Variants in ERCC8 observed in about 807,000 individuals in gnomAD.
The protein encoded by ERCC8 is ERCC excision repair 8, CSA ubiquitin ligase complex subunit.
A neutral mutation model predicts 54.9 loss-of-function variants in ERCC8; 52 were observed. That is an observed-to-expected ratio of 0.95 (90% CI 0.76 to 1.19). ERCC8 has a LOEUF of 1.19. Ranked by LOEUF, ERCC8 falls within the 50% of genes most tolerant of loss-of-function variation. The pLI is 0.00. For synonymous variants in ERCC8, 146 were observed against 157.2 expected (o/e 0.93, Z 0.53); for missense variants, 514 against 466.1 (o/e 1.10, Z -0.95).
At position 60,867,438 on chromosome 5, in the gene ERCC8, A is replaced by C. The variant is rs940035022; in HGVS notation, c.*7177T>G. Reference sequence around the variant, plus strand: ...CCTGGCCTTATTTCTTTATAAAGCCATTACAATGAAAAAAATAATCTTACC... The same window carrying C: ...CCTGGCCTTATTTCTTTATAAAGCCCTTACAATGAAAAAAATAATCTTACC... On this transcript the variant is annotated 3_prime_UTR_variant, in exon 12 of 12. Coordinates refer to ENST00000676185, the MANE Select transcript of ERCC8 (RefSeq NM_000082.4). Among the ~76,000 whole-genome samples the C allele has an allele frequency of 6.6e-6, 1 of 152,154 alleles. No individual in the cohort carries two copies. Among genetic ancestry groups the C allele is most frequent in the Admixed American group, 6.6e-5 (1 of 15,266 alleles).
chr5:60,917,421 T>A (rs746255328), intron 4 of ERCC8: 1 of 151,944 alleles, frequency 6.6e-6, no homozygotes, highest in Non-Finnish European at 1.5e-5. Context: ...CCAGGCTGAG[T>A]TTAGACAATG....
chr5:60,875,937 G>A (rs968245612), intron 11 of ERCC8, among the ~76,000 whole-genome samples: 2 of 151,456 alleles, frequency 1.3e-5, no homozygotes, highest in South Asian at 4.2e-4. Context: ...TGTGCACAAC[G>A]TGCAGGTTTG....
At chr5:60,944,072 G>GA (rs1447691529) in intron 1 of ERCC8, among the ~76,000 whole-genome samples, 1 of 152,098 alleles carries the variant, frequency 6.6e-6, no homozygotes, top group Admixed American at 6.5e-5. Context: ...CTTCCCTTTG[G>GA]AAAACCCTCT....
At chr5:60,892,467 G>A (rs1166458579) in intron 9 of ERCC8, 3 of 566,450 alleles carry the variant, frequency 5.3e-6, no homozygotes, top group Non-Finnish European at 1.0e-5. Flanking sequence ...AGTGGGTGGT[G>A]GTGGTCTATA....
chr5:60,871,086 T>C lies in ERCC8; in HGVS notation c.*3529A>G, dbSNP rs1257363074. Among the ~76,000 whole-genome samples the C allele has an allele frequency of 6.6e-6, 1 of 152,112 alleles. No homozygotes were observed. Among genetic ancestry groups the C allele is most frequent in the Admixed American group, 6.6e-5 (1 of 15,266 alleles). ...AAAGGACTACAACCCAAAAATCGTA[T>C]ACCCAGCTAAACTATCATTTCAGAG... On this transcript the variant is annotated 3_prime_UTR_variant, in exon 12 of 12. Transcript: ENST00000676185.
intron 2 of ERCC8, among the ~76,000 whole-genome samples, chr5:60,927,194 A>G (rs1166401748): frequency 1.3e-5 from 2 of 152,204 alleles, no homozygotes; most frequent in African/African-American, 4.8e-5. Context: ...TTACTTTGAA[A>G]ATCTCTGCCA....
In ERCC8 at chr5:60,941,075, T is replaced by G. The variant is rs116819180; in HGVS notation, c.77+3857A>C. ...GAGCCTGTAATCCCAGTGACTCTTG[T>G]GAAGCTGAGGCAGGGGGACTGCTTC... On this transcript the variant is annotated intron_variant, in intron 1 of 11. Coordinates refer to ENST00000676185, the MANE Select transcript of ERCC8 (RefSeq NM_000082.4). Among the ~76,000 whole-genome samples, 1,281 of 152,114 alleles carry G rather than the reference T, an allele frequency of 8.4e-3. 21 individuals carry two copies. Among genetic ancestry groups the G allele is most frequent in the African/African-American group, 0.029 (1,199 of 41,488 alleles).
intron 4 of ERCC8, among the ~76,000 whole-genome samples, chr5:60,914,875 T>A (rs1327223488): frequency 1.3e-5 from 2 of 151,922 alleles, no homozygotes; most frequent in Admixed American, 1.3e-4. Context: ...TTTTCCCCCT[T>A]CATTCTATTA....
At chr5:60,930,549 C>G (rs1230834460) in intron 1 of ERCC8, among the ~76,000 whole-genome samples, 1 of 125,412 alleles carries the variant, frequency 8.0e-6, no homozygotes, top group Non-Finnish European at 1.7e-5. Context: ...AAGAGCAAGA[C>G]TCCGTCTAAA....
intron 10 of ERCC8, among the ~76,000 whole-genome samples, chr5:60,890,209 G>A (rs931826123): frequency 3.9e-5 from 6 of 152,126 alleles, no homozygotes; most frequent in African/African-American, 9.7e-5. Flanking sequence ...GTCTCCTTGA[G>A]CTCTAATAAT....
chr5:60,931,200 A>C (rs1283492082), intron 1 of ERCC8, among the ~76,000 whole-genome samples: 1 of 152,142 alleles, frequency 6.6e-6, no homozygotes, highest in African/African-American at 2.4e-5. Context: ...AGTGGTGATT[A>C]TTATTAAATG....
chr5:60,937,455 G>C (rs1255246018), intron 1 of ERCC8, among the ~76,000 whole-genome samples: 1 of 152,178 alleles, frequency 6.6e-6, no homozygotes, highest in Non-Finnish European at 1.5e-5. Context: ...AGATCTCCTT[G>C]GGTGAGGCTT....
At chr5:60,910,746 A>G (rs1749233005) in intron 4 of ERCC8, among the ~76,000 whole-genome samples, 1 of 152,166 alleles carries the variant, frequency 6.6e-6, no homozygotes, top group Non-Finnish European at 1.5e-5. Flanking sequence ...AAATTTACTT[A>G]TATTAATTCT....
chr5:60,911,548 T>C (rs974572022), intron 4 of ERCC8, among the ~76,000 whole-genome samples: 1 of 152,196 alleles, frequency 6.6e-6, no homozygotes, highest in Non-Finnish European at 1.5e-5. Context: ...GGTTGCATGT[T>C]CACTTAATGG....
intron 1 of ERCC8, among the ~76,000 whole-genome samples, chr5:60,932,339 C>G (rs1380607918): frequency 6.6e-6 from 1 of 152,106 alleles, no homozygotes; most frequent in East Asian, 1.9e-4. Flanking sequence ...GGGTGCCCAC[C>G]ATGACTGGAT....
At chr5:60,919,175 A>G (rs901766134) in intron 3 of ERCC8, among the ~76,000 whole-genome samples, 3 of 152,044 alleles carry the variant, frequency 2.0e-5, no homozygotes, top group African/African-American at 7.2e-5. Flanking sequence ...TTATGCTCAT[A>G]AAGTCTTTAT....
intron 4 of ERCC8, among the ~76,000 whole-genome samples, chr5:60,910,195 T>A (rs190215598): frequency 1.6e-4 from 24 of 152,312 alleles, no homozygotes; most frequent in African/African-American, 4.6e-4. Flanking sequence ...TAAATCAAAT[T>A]AATGTCATCA....
chr5:60,902,456 GAT>G lies in ERCC8; in HGVS notation c.601_602del (p.Ile201LeufsTer7). The G allele has an allele frequency of 6.2e-7, 1 of 1,611,830 alleles. No homozygotes were observed. Among genetic ancestry groups the G allele is most frequent in the South Asian group, 1.1e-5 (1 of 90,928 alleles). Reference protein sequence around the residue: ...AVSWSPRYDYILATASADSRV... With the variant: ...AVSWSPRYDYXLATASADSRV... ...TTAAATTTTACCTTGCTGTTGCCAA[GAT>G]ATAGTCATAACGTGGAGACCAGGAA... is the stretch of plus-strand genomic sequence containing the variant. On this transcript the variant is annotated frameshift_variant, in exon 7 of 12. Coordinates refer to ENST00000676185, the MANE Select transcript of ERCC8 (RefSeq NM_000082.4). LOFTEE classifies it high-confidence loss of function.
At chr5:60,921,295 T>C (rs1433992318) in intron 3 of ERCC8, among the ~76,000 whole-genome samples, 1 of 151,894 alleles carries the variant, frequency 6.6e-6, no homozygotes, top group African/African-American at 2.4e-5. Flanking sequence ...AGAGCTGTAA[T>C]AGATAGTTGA....
Sources: gnomAD v4.1 joint callset for allele counts (sites outside exome capture counted in the v4.1 genomes callset) on GRCh38, gnomAD v4.1.1 for gene constraint, MANE v1.5 for transcripts, NCBI Gene and HGNC (gene_info 2026-07-23, HGNC 2026-07-21) for gene names.